The following FAM47E variants were observed in gnomAD, a reference collection of about 807,000 sequenced individuals.
The protein encoded by FAM47E is family with sequence similarity 47 member E.
In FAM47E, 32 loss-of-function variants were observed where a neutral mutation model predicts 41.6. That is an observed-to-expected ratio of 0.77 (90% confidence interval 0.58 to 1.03). The LOEUF (loss-of-function observed/expected upper bound fraction) is 1.03. Among genes scored for constraint, FAM47E ranks in the 50% least tolerant of loss-of-function variants. The pLI, the probability that FAM47E is intolerant of heterozygous loss-of-function variation, is 0.00. For synonymous variants in FAM47E, 184 were observed against 188.7 expected, an observed-to-expected ratio of 0.98 and a Z score of 0.20; for missense variants, 424 against 485.4, an observed-to-expected ratio of 0.87 and a Z score of 1.19.
intron 2 of FAM47E, among the ~76,000 whole-genome samples, chr4:76,262,118 A>G (rs1285736506): frequency 6.6e-6 from 1 of 152,212 alleles, no homozygotes; most frequent in Admixed American, 6.5e-5. Context: ...ACCCAGAACA[A>G]CATAGAAGTA....
intron 2 of FAM47E, among the ~76,000 whole-genome samples, chr4:76,243,332 T>G (rs1733750208): frequency 6.6e-6 from 1 of 152,188 alleles, no homozygotes; most frequent in Non-Finnish European, 1.5e-5. Context: ...TCAGCAAGAT[T>G]CACATAAAAT....
upstream of FAM47E, chr4:76,251,683 C>T: frequency 3.6e-5 from 50 of 1,393,704 alleles, no homozygotes; most frequent in Non-Finnish European, 4.5e-5. Flanking sequence ...GTCCTAGCAA[C>T]GGGGCGGCAG....
chr4:76,277,660 G>A (rs1194911710), intron 5 of FAM47E, among the ~76,000 whole-genome samples: 2 of 152,098 alleles, frequency 1.3e-5, no homozygotes, highest in Non-Finnish European at 2.9e-5. Context: ...TACCCTAGGG[G>A]GAAATATGTG....
At chr4:76,219,741 G>A (rs527586400) in intron 2 of FAM47E, among the ~76,000 whole-genome samples, 1 of 152,128 alleles carries the variant, frequency 6.6e-6, no homozygotes, top group East Asian at 1.9e-4. Context: ...AATGGGGAAT[G>A]GGGGGCTTAG....
chr4:76,227,505 A>T (rs775160602), intron 2 of FAM47E, among the ~76,000 whole-genome samples: 2 of 152,170 alleles, frequency 1.3e-5, no homozygotes, highest in Non-Finnish European at 2.9e-5. Context: ...GACAAAAATG[A>T]ATATTCTGCA....
At chr4:76,259,442 C>T (rs1333010797) in intron 2 of FAM47E, among the ~76,000 whole-genome samples, 1 of 152,158 alleles carries the variant, frequency 6.6e-6, no homozygotes, top group Non-Finnish European at 1.5e-5. Flanking sequence ...CAAGACTGTC[C>T]CTACTTTTTA....
chr4:76,271,277 ACTT>A (rs1443351857), intron 4 of FAM47E, among the ~76,000 whole-genome samples: 1 of 152,204 alleles, frequency 6.6e-6, no homozygotes, highest in African/African-American at 2.4e-5. Context: ...TCTGGAAAAT[ACTT>A]CTAGAGATGG....
At chr4:76,233,147 A>G (rs1167692027) in intron 2 of FAM47E, among the ~76,000 whole-genome samples, 1 of 152,196 alleles carries the variant, frequency 6.6e-6, no homozygotes, top group Non-Finnish European at 1.5e-5. Flanking sequence ...AGTAGTCTCA[A>G]TTACATGTTG....
At chr4:76,226,618 G>A (rs888315350) in intron 2 of FAM47E, among the ~76,000 whole-genome samples, 1 of 152,118 alleles carries the variant, frequency 6.6e-6, no homozygotes, top group Non-Finnish European at 1.5e-5. Flanking sequence ...CCTGGACCCA[G>A]GACATGTTCC....
intron 2 of FAM47E, among the ~76,000 whole-genome samples, chr4:76,233,857 T>C (rs964046287): frequency 6.7e-6 from 1 of 148,416 alleles, no homozygotes; most frequent in African/African-American, 2.5e-5. Flanking sequence ...CAGAGATAGT[T>C]GGTTGGGGGG....
exon 1 of FAM47E, chr4:76,214,086 A>C: frequency 2.8e-6 from 1 of 354,004 alleles, no homozygotes; most frequent in Non-Finnish European, 5.6e-6. Flanking sequence ...GAAATTGCCG[A>C]ACCTGGTTCA....
intron 3 of FAM47E, 146 bp downstream of exon 3, chr4:76,263,989 G>C (rs1734525575): frequency 7.9e-7 from 1 of 1,265,776 alleles, no homozygotes; most frequent in Non-Finnish European, 1.1e-6. Flanking sequence ...GGAGTCCTAG[G>C]TACCGCTCTA....
chr4:76,235,272 C>G (rs576891520), intron 2 of FAM47E, among the ~76,000 whole-genome samples: 264 of 152,166 alleles, frequency 1.7e-3, no homozygotes, highest in Middle Eastern at 6.8e-3. Flanking sequence ...GAGCCGAGAT[C>G]GCACCGCTGC....
intron 3 of FAM47E, among the ~76,000 whole-genome samples, chr4:76,265,061 G>A (rs993778510): frequency 6.6e-6 from 1 of 152,170 alleles, no homozygotes; most frequent in Non-Finnish European, 1.5e-5. Context: ...CATTACCTAC[G>A]TGGAGGTGGA....
chr4:76,218,241 C>G (rs1733248320), intron 2 of FAM47E, among the ~76,000 whole-genome samples: 1 of 152,198 alleles, frequency 6.6e-6, no homozygotes, highest in Admixed American at 6.5e-5. Flanking sequence ...CCATCACACC[C>G]TAGTGATTTG....
Position 76,251,819 on chromosome 4 carries a change from A to C in FAM47E, c.73A>C (p.Arg25=), listed in dbSNP as rs540041137. 6.8e-7 allele frequency: 1 copy of C among 1,464,740 alleles called. No individual in the cohort carries two copies. The highest frequency in any genetic ancestry group is 1.3e-5 in the South Asian group (1 of 77,002). 90.7% of individuals were successfully genotyped at this position (1,464,740 alleles called of 1,614,324 possible). A position where few individuals can be genotyped will look rare whatever the true frequency, so the allele number is the denominator to read the frequency against. ...PVREGVNCRS[R]CFTKHKNGLK... ...GCGCGAGGGCGTGAACTGCAGGTCCAGGTAAACACTCAGCGCCCGGGCCGA... is the reference window on the plus strand; with the variant it reads ...GCGCGAGGGCGTGAACTGCAGGTCCCGGTAAACACTCAGCGCCCGGGCCGA... The change falls in exon 1 of 8, where the codon AGA becomes CGA. Residue 25 remains arginine, a splice_region_variant and synonymous_variant. Coordinates refer to ENST00000424749, the MANE Select transcript of FAM47E (RefSeq NM_001136570.3).
intron 2 of FAM47E, among the ~76,000 whole-genome samples, chr4:76,231,908 A>T (rs533347264): frequency 6.6e-6 from 1 of 152,360 alleles, no homozygotes; most frequent in South Asian, 2.1e-4. Flanking sequence ...CTGCAAGTCA[A>T]GATTGACTCC....
In FAM47E at chr4:76,268,763, GA is replaced by G. The variant is rs1271726233; in HGVS notation, c.668del (p.Asn223MetfsTer12). The G allele has an allele frequency of 6.4e-7, 1 of 1,551,358 alleles. No homozygotes were observed. Among genetic ancestry groups the G allele is most frequent in the Non-Finnish European group, 8.7e-7 (1 of 1,146,936 alleles). ...HENGPRPGLH[E>X]NGISDIDEEF... ...AAATGGTCCTCGTCCTGGTCTTCATGAAAATGTATGCAAAGCAGTTAGTGAC... is the reference window on the plus strand; with the variant it reads ...AAATGGTCCTCGTCCTGGTCTTCATGAAATGTATGCAAAGCAGTTAGTGAC... On this transcript the variant is annotated frameshift_variant, in exon 4 of 8. Coordinates refer to ENST00000424749, the MANE Select transcript of FAM47E (RefSeq NM_001136570.3). LOFTEE classifies it high-confidence loss of function.
chr4:76,280,144 A>ATATTC (rs1309550657), intron 6 of FAM47E, 120 bp from the exon 7 acceptor site: 2 of 621,358 alleles, frequency 3.2e-6, no homozygotes, highest in African/African-American at 3.7e-5. Context: ...ATTCAAAAAC[A>ATATTC]AGAAGGATAT....
Sources: allele counts gnomAD v4.1 joint callset (sites outside exome capture counted in the v4.1 genomes callset), GRCh38; gene constraint gnomAD v4.1.1; transcripts MANE v1.5; gene names NCBI Gene and HGNC (gene_info 2026-07-23, HGNC 2026-07-21).